ASTL: variants seen among roughly 807,000 people sequenced by gnomAD.
ASTL encodes astacin-like metalloendopeptidase.
Under a neutral mutation model 36.7 loss-of-function variants are expected in ASTL, and 27 were observed. The observed-to-expected ratio is 0.73, with a 90% CI of 0.54 to 1.01. The LOEUF (loss-of-function observed/expected upper bound fraction) is 1.01. Among genes scored for constraint, ASTL ranks in the 50% least tolerant of loss-of-function variants. The pLI is 0.00. For missense variants in ASTL, 524 were observed against 572.8 expected (o/e 0.91, Z 0.87); for synonymous variants, 222 against 228.1 (o/e 0.97, Z 0.24).
chr2:96,130,483 G>A (rs1340860001), intron 6 of ASTL, among the ~76,000 whole-genome samples: 1 of 152,172 alleles, frequency 6.6e-6, no homozygotes, highest in African/African-American at 2.4e-5. Context: ...CACTGCTCAG[G>A]GTCTCAGATG....
In ASTL at chr2:96,124,136, G is replaced by A; in HGVS notation, c.1010C>T (p.Ala337Val). The change falls in exon 9 of 9, where the codon GCA becomes GTA. Residue 337 changes from alanine to valine, a missense_variant. Physicochemically the swap from Ala to Val is moderately conservative, Grantham distance 64. Coordinates refer to ENST00000342380, the MANE Select transcript of ASTL (RefSeq NM_001002036.4). The surrounding 1 kb of genome is among the most constrained non-coding windows in gnomAD (Gnocchi z 4.1). ...CCCATGTGGGCTCTCCCCAGGCCCT[G>A]CAGGAACGGGCTGGCCTCCCGCACT... ...GSSAGGQPVP[A>V]GPGESPHGWE... is the part of the protein sequence containing the mutation. The A allele has an allele frequency of 2.5e-6, 4 of 1,578,514 alleles. No homozygotes were observed. The highest frequency in any genetic ancestry group is 3.4e-6 in the Non-Finnish European group (4 of 1,161,312).
At position 96,133,548 on chromosome 2, in the gene ASTL, A is replaced by G; in HGVS notation, c.338-6T>C. The stretch of plus-strand genomic sequence containing the variant: ...GACCTGGCGGCTGGGCTCATCTGGA[A>G]GACACCACCTGGCTGAGCCCCCAGA... On this transcript the variant is annotated splice_polypyrimidine_tract_variant and splice_region_variant and intron_variant, in intron 4 of 8. Transcript: ENST00000342380. 1 of 1,607,764 alleles carries G rather than the reference A, an allele frequency of 6.2e-7. No homozygotes were observed.
Position 96,132,822 on chromosome 2 carries a change from T to A in ASTL, c.456-101A>T. 1 of 1,101,400 alleles carries A rather than the reference T, an allele frequency of 9.1e-7. No homozygotes were observed. The highest frequency in any genetic ancestry group is 1.3e-6 in the Non-Finnish European group (1 of 787,560). The allele number at this position is 1,101,400 out of a possible 1,614,324, so 68.2% of individuals were successfully genotyped here. A position where few individuals can be genotyped will look rare whatever the true frequency, so the allele number is the denominator to read the frequency against. ...CCCACACAACACAAGATAGACAAAC[T>A]CCCAACAGGCAGGCCCCACTCTGGG... On this transcript the variant is annotated intron_variant, in intron 5 of 8. Coordinates refer to ENST00000342380, the MANE Select transcript of ASTL (RefSeq NM_001002036.4). This position sits in a 1 kb window ranked among gnomAD's most constrained non-coding sequence, Gnocchi z 5.4.
At chr2:96,131,992 C>G (rs2104771642) in intron 6 of ASTL, among the ~76,000 whole-genome samples, 1 of 152,364 alleles carries the variant, frequency 6.6e-6, no homozygotes, top group East Asian at 1.9e-4. Flanking sequence ...TGCCTCCAGC[C>G]TCCACTCTCC....
intron 6 of ASTL, among the ~76,000 whole-genome samples, chr2:96,131,304 T>C (rs1682174342): frequency 6.6e-6 from 1 of 152,220 alleles, no homozygotes; most frequent in Admixed American, 6.5e-5. Flanking sequence ...TTTTTAGAAT[T>C]GCTGTACTTT....
At position 96,135,369 on chromosome 2, in the gene ASTL, C is replaced by T. The variant is rs771568000; in HGVS notation, c.225G>A (p.Glu75=). 2.2e-5 allele frequency: 35 copies of T among 1,614,076 alleles called. No homozygotes were observed. The highest frequency in any genetic ancestry group is 2.9e-5 in the Non-Finnish European group (34 of 1,180,030). ...EETPESSFLI[E]GDIIRPSPFR... is the part of the protein sequence containing the mutation. Reference sequence around the variant, plus strand: ...CACTCACCGGCCGGATGATGTCCCCCTCGATGAGGAAGCTGCTCTCTGGGG... The same window carrying T: ...CACTCACCGGCCGGATGATGTCCCCTTCGATGAGGAAGCTGCTCTCTGGGG... The change falls in exon 3 of 9, where the codon GAG becomes GAA. Residue 75 remains glutamate (E), a synonymous_variant. Transcript: ENST00000342380.
At chr2:96,126,531 G>A (rs543448254) in intron 8 of ASTL, among the ~76,000 whole-genome samples, 1 of 152,152 alleles carries the variant, frequency 6.6e-6, no homozygotes, top group Non-Finnish European at 1.5e-5. Context: ...CGGAACCCTC[G>A]TATACCGCTG....
chr2:96,133,813 C>T (rs1682237505), intron 4 of ASTL, 152 bp downstream of exon 4: 1 of 680,298 alleles, frequency 1.5e-6, no homozygotes. Flanking sequence ...ACTCAGGAGA[C>T]CTTCAGCAAC....
chr2:96,134,146 C>T (rs1682247036), intron 3 of ASTL, 88 bp from the exon 4 acceptor site: 4 of 840,320 alleles, frequency 4.8e-6, no homozygotes, highest in African/African-American at 1.7e-5. Flanking sequence ...GGCACCAGAA[C>T]CCCAAAGATG....
At chr2:96,135,446 C>T in intron 2 of ASTL, 34 bp from the exon 3 acceptor site, 2 of 1,604,592 alleles carry the variant, frequency 1.2e-6, no homozygotes, top group Non-Finnish European at 1.7e-6. Context: ...TGGCCCATGT[C>T]CCCCAGAACA....
chr2:96,127,498 A>G (rs1269044679), intron 8 of ASTL, among the ~76,000 whole-genome samples: 2 of 152,154 alleles, frequency 1.3e-5, no homozygotes, highest in African/African-American at 2.4e-5. Context: ...CATTTCCTCA[A>G]TTACTGAGGT....
chr2:96,138,471 C>A lies in ASTL; in HGVS notation c.-35G>T, dbSNP rs1434531943. On this transcript the variant is annotated 5_prime_UTR_variant, in exon 1 of 9. Coordinates refer to ENST00000342380, the MANE Select transcript of ASTL (RefSeq NM_001002036.4). ...CTGCTGCCCCTTCAGCAAACAAGAC[C>A]AAGCCCCAGCAAGACACAGTAACCT... 1.9e-6 allele frequency: 3 copies of A among 1,576,698 alleles called. No individual in the cohort carries two copies. In the South Asian group the frequency reaches 3.4e-5, roughly 18 times the overall value.
Position 96,132,657 on chromosome 2 carries a change from G to C in ASTL, c.520C>G (p.Gln174Glu). The change falls in exon 6 of 9, where the codon CAG becomes GAG. Residue 174 changes from glutamine to glutamate, a missense_variant. Transcript: ENST00000342380. The surrounding 1 kb of genome is among the most constrained non-coding windows in gnomAD (Gnocchi z 5.4). ...TGAAGGACAATGCCCCGGCCCTTCT[G>C]GAGACACGTGGGCGCCAGGGAGACC... ...QVVSLAPTCL[Q>E]KGRGIVLHEL... 3 of 1,613,480 alleles carry C rather than the reference G, an allele frequency of 1.9e-6. No homozygotes were observed. In the South Asian group the frequency reaches 3.3e-5, roughly 18 times the overall value.
rs1212279282 is a variant in ASTL at position 96,123,875 on chromosome 2, T to C, written c.1271A>G (p.His424Arg). 1 of 1,613,670 alleles carries C rather than the reference T, an allele frequency of 6.2e-7. No homozygotes were observed. The highest frequency in any genetic ancestry group is 8.5e-7 in the Non-Finnish European group (1 of 1,179,874). ...ALPGGCVPRNHFKGMSED is the reference protein window; with the variant it reads ...ALPGGCVPRNRFKGMSED Reference sequence around the variant, plus strand: ...TTAATCTTCGGACATCCCCTTGAAATGATTTCTAGGTACACAGCCCCCTGG... The same window carrying C: ...TTAATCTTCGGACATCCCCTTGAAACGATTTCTAGGTACACAGCCCCCTGG... The change falls in exon 9 of 9, where the codon CAT (histidine) becomes CGT (arginine). Residue 424 changes from histidine (H) to arginine (R), a missense_variant. Transcript: ENST00000342380.
chr2:96,125,540 A>G (rs957445159), intron 8 of ASTL, among the ~76,000 whole-genome samples: 7 of 152,116 alleles, frequency 4.6e-5, no homozygotes, highest in Non-Finnish European at 1.0e-4. Flanking sequence ...TCATGGTTCC[A>G]GCATCTGAAT....
rs997250772 is a variant in ASTL at position 96,135,364 on chromosome 2, TC to T, written c.229del (p.Asp77ThrfsTer151). 6 of 1,613,892 alleles carry T rather than the reference TC, an allele frequency of 3.7e-6. No homozygotes were observed. In the East Asian group the frequency reaches 1.3e-4, roughly 36 times the overall value. On this transcript the variant is annotated frameshift_variant, in exon 3 of 9. Transcript: ENST00000342380. LOFTEE classifies it high-confidence loss of function. ...TPESSFLIEG[D>X]IIRPSPFRLL... ...GTGTGCACTCACCGGCCGGATGATG[TC>T]CCCCTCGATGAGGAAGCTGCTCTCT...
Position 96,129,931 on chromosome 2 carries a change from G to T in ASTL, c.767C>A (p.Ala256Asp). 2 of 1,606,370 alleles carry T rather than the reference G, an allele frequency of 1.2e-6. No homozygotes were observed. The highest frequency in any genetic ancestry group is 1.7e-6 in the Non-Finnish European group (2 of 1,174,316). Residue 256 changes from alanine to aspartate, a missense_variant, in exon 8 of 9, where the codon GCC (alanine) becomes GAC (aspartate). By Grantham distance (126) the Ala-to-Asp change is moderately radical. Transcript: ENST00000342380. ...TCGCTGGCCGATGTGGACACTGGGG[G>T]CCCAAAGTGGTGTGATGGTGGGCAG... ...RGLPTITPLW[A>D]PSVHIGQRWN...
intron 3 of ASTL, among the ~76,000 whole-genome samples, chr2:96,134,985 C>T (rs1682265699): frequency 1.3e-5 from 2 of 152,202 alleles, no homozygotes; most frequent in South Asian, 4.1e-4. Flanking sequence ...CCACCAGGCC[C>T]TTTATCTGCC....
chr2:96,138,441 G>C lies in ASTL; in HGVS notation c.-5C>G. 1 of 1,608,530 alleles carries C rather than the reference G, an allele frequency of 6.2e-7. No homozygotes were observed. Among genetic ancestry groups the C allele is most frequent in the Non-Finnish European group, 8.5e-7 (1 of 1,177,256 alleles). On this transcript the variant is annotated 5_prime_UTR_variant, in exon 1 of 9. Coordinates refer to ENST00000342380, the MANE Select transcript of ASTL (RefSeq NM_001002036.4). ...GAGACCCCCTACACCCTCCATGGTA[G>C]AGCCCTGCTGCCCCTTCAGCAAACA...
Sources: gnomAD v4.1 joint callset for allele counts (sites outside exome capture counted in the v4.1 genomes callset) on GRCh38, gnomAD v4.1.1 for gene constraint, Gnocchi (gnomAD v3.1) non-coding constraint, MANE v1.5 for transcripts, NCBI Gene and HGNC (gene_info 2026-07-23, HGNC 2026-07-21) for gene names.